Variants in CAMTA1 observed in about 807,000 individuals in gnomAD.
CAMTA1 encodes the protein calmodulin binding transcription activator 1, also known as calmodulin-binding transcription activator 1.
CAMTA1 carries 27 observed loss-of-function variants against 170.9 expected under a neutral mutation model. That is an observed-to-expected ratio of 0.16 (90% CI 0.12 to 0.22). The LOEUF (loss-of-function observed/expected upper bound fraction) is 0.22, where lower values mean the gene tolerates loss of function less well. CAMTA1 is among the 10% of genes least tolerant of loss of function. The probability of loss-of-function intolerance (pLI) is 1.00; values close to 1 mark genes in which losing one functional copy is unlikely to be tolerated. For synonymous variants in CAMTA1, 833 were observed against 891.5 expected (o/e 0.93, Z 1.17); for missense variants, 1,619 against 2,217.2 (o/e 0.73, Z 5.42).
chr1:6,817,094 TC>T (rs1204276289), intron 1 of CAMTA1, among the ~76,000 whole-genome samples: 1 of 152,218 alleles, frequency 6.6e-6, no homozygotes, highest in African/African-American at 2.4e-5. Context: ...GCCAAGTTCT[TC>T]CTGTTATTTC....
chr1:7,680,363 GGGA>G lies in CAMTA1; in HGVS notation c.2914+2636_2914+2638del, dbSNP rs1414289881. ...GTGGAGACGGGTTCGCCGCGGAGAG[GGGA>G]GGAGGGCTGGGGAAGGGGTGGGCGC... On this transcript the variant is annotated intron_variant, in intron 11 of 22. Transcript: ENST00000303635. The surrounding 1 kb of genome is among the most constrained non-coding windows in gnomAD (Gnocchi z 4.4). The G allele has an allele frequency of 1.2e-5, 2 of 167,106 alleles. No homozygotes were observed. Among genetic ancestry groups the G allele is most frequent in the African/African-American group, 4.8e-5 (2 of 41,508 alleles). The allele number at this position is 167,106 out of a possible 1,614,324, so 10.4% of individuals were successfully genotyped here. A position where few individuals can be genotyped will look rare whatever the true frequency, so the allele number is the denominator to read the frequency against.
chr1:7,546,447 A>G (rs907640108), intron 6 of CAMTA1, among the ~76,000 whole-genome samples: 1 of 152,218 alleles, frequency 6.6e-6, no homozygotes, highest in African/African-American at 2.4e-5. Flanking sequence ...TATTGTGAAT[A>G]GTGCTGCAAT....
chr1:7,269,934 G>A (rs995042390), intron 5 of CAMTA1, among the ~76,000 whole-genome samples: 1 of 152,104 alleles, frequency 6.6e-6, no homozygotes. Flanking sequence ...CAGCAACAAA[G>A]AGGAAATCTT....
At chr1:6,895,067 C>T (rs1193824833) in intron 3 of CAMTA1, among the ~76,000 whole-genome samples, 1 of 152,210 alleles carries the variant, frequency 6.6e-6, no homozygotes, top group Non-Finnish European at 1.5e-5. Flanking sequence ...TGAACTCACC[C>T]ACCTTTCATT....
At chr1:7,265,480 AT>A (rs1237443154) in intron 5 of CAMTA1, among the ~76,000 whole-genome samples, 5 of 151,888 alleles carry the variant, frequency 3.3e-5, no homozygotes, top group Admixed American at 3.3e-4. Context: ...TGCCTGGCTA[AT>A]TTTTGTATTT....
chr1:6,914,023 C>T (rs981477858), intron 3 of CAMTA1, among the ~76,000 whole-genome samples: 17 of 151,682 alleles, frequency 1.1e-4, no homozygotes, highest in East Asian at 5.8e-4. Context: ...ACAAACACAC[C>T]GACCTATTTC....
Position 7,002,041 on chromosome 1 carries a change from C to T in CAMTA1, c.235-89263C>T, listed in dbSNP as rs557357439. 5.5e-4 allele frequency among the ~76,000 whole-genome samples: 83 copies of T among 152,056 alleles called. 1 individual carries two copies. In the South Asian group the frequency reaches 9.8e-3, roughly 18 times the overall value. The stretch of plus-strand genomic sequence containing the variant: ...CATCCTGAGTAGCTGAGATTACAGG[C>T]GCCTACCACCACGCCTGGATAAATT... On this transcript the variant is annotated intron_variant, in intron 3 of 22. Coordinates refer to ENST00000303635, the MANE Select transcript of CAMTA1 (RefSeq NM_015215.4).
At chr1:7,704,128 C>A (rs1233615913) in intron 11 of CAMTA1, among the ~76,000 whole-genome samples, 1 of 151,344 alleles carries the variant, frequency 6.6e-6, no homozygotes, top group Non-Finnish European at 1.5e-5. Flanking sequence ...CGTTGCGCAG[C>A]GCCGGCTCCT....
chr1:7,135,653 G>T (rs1480328127), intron 4 of CAMTA1, among the ~76,000 whole-genome samples: 1 of 152,128 alleles, frequency 6.6e-6, no homozygotes, highest in Non-Finnish European at 1.5e-5. Context: ...TGAGCCTCAT[G>T]CCTTCAAGCT....
chr1:7,511,646 C>T (rs1247687715), intron 6 of CAMTA1, among the ~76,000 whole-genome samples: 1 of 152,096 alleles, frequency 6.6e-6, no homozygotes, highest in Admixed American at 6.6e-5. Context: ...GAGTTCTGAC[C>T]AGTGTATTCT....
At chr1:6,835,022 G>A (rs547818839) in intron 3 of CAMTA1, among the ~76,000 whole-genome samples, 3 of 152,138 alleles carry the variant, frequency 2.0e-5, no homozygotes, top group Non-Finnish European at 4.4e-5. Context: ...TCATCACCCC[G>A]CAGCCTTCTG....
intron 3 of CAMTA1, among the ~76,000 whole-genome samples, chr1:6,847,065 G>A (rs533209114): frequency 4.0e-4 from 61 of 151,234 alleles, no homozygotes; most frequent in Admixed American, 1.3e-3. Flanking sequence ...GTGCAGTGGC[G>A]CCATCTTGGC....
rs1000457560 is a variant in CAMTA1, at chr1:7,642,232, CG to C, written c.664+1682del. 2.6e-5 allele frequency among the ~76,000 whole-genome samples: 4 copies of C among 152,206 alleles called. No homozygotes were observed. Among genetic ancestry groups the C allele is most frequent in the African/African-American group, 7.2e-5 (3 of 41,460 alleles). ...GCCTCTTCAAAATGCTGCCGAGCAC[CG>C]GGAAGCATGGGGAAATGGCACAGCT... is the stretch of plus-strand genomic sequence containing the variant. On this transcript the variant is annotated intron_variant, in intron 7 of 22. Coordinates refer to ENST00000303635, the MANE Select transcript of CAMTA1 (RefSeq NM_015215.4). The surrounding 1 kb of genome is among the most constrained non-coding windows in gnomAD (Gnocchi z 6.3).
intron 4 of CAMTA1, among the ~76,000 whole-genome samples, chr1:7,145,912 G>A (rs981971360): frequency 9.2e-5 from 14 of 152,190 alleles, no homozygotes; most frequent in African/African-American, 2.9e-4. Flanking sequence ...TCCCTGTGCT[G>A]CCCTCTATGA....
At chr1:6,907,419 A>T (rs1678765472) in intron 3 of CAMTA1, among the ~76,000 whole-genome samples, 1 of 152,054 alleles carries the variant, frequency 6.6e-6, no homozygotes, top group African/African-American at 2.4e-5. Flanking sequence ...GTGCATGCAG[A>T]GGTTTTCAAG....
At chr1:6,812,356 T>C (rs1439168216) in intron 1 of CAMTA1, among the ~76,000 whole-genome samples, 1 of 152,232 alleles carries the variant, frequency 6.6e-6, no homozygotes, top group African/African-American at 2.4e-5. Flanking sequence ...TGTGCTTTGC[T>C]ACCTTTTAGG....
intron 4 of CAMTA1, chr1:7,142,088 T>C (rs760991309): frequency 3.9e-6 from 2 of 518,624 alleles, no homozygotes; most frequent in Non-Finnish European, 7.7e-6. Context: ...CAGCTCTTCC[T>C]GGTACCCCTT....
intron 3 of CAMTA1, among the ~76,000 whole-genome samples, chr1:7,030,935 C>T (rs140999820): frequency 0.019 from 2,866 of 150,244 alleles, 86 homozygotes; most frequent in African/African-American, 0.065. Context: ...CCCGGGTTCA[C>T]GCCATTCTCC....
chr1:6,931,683 C>T (rs573621157), intron 3 of CAMTA1, among the ~76,000 whole-genome samples: 8 of 152,304 alleles, frequency 5.3e-5, no homozygotes, highest in Admixed American at 1.3e-4. Flanking sequence ...GCCTACGCTA[C>T]GTGGCTGGGC....
Sources: allele counts gnomAD v4.1 joint callset (sites outside exome capture counted in the v4.1 genomes callset), GRCh38; gene constraint gnomAD v4.1.1; non-coding constraint Gnocchi (gnomAD v3.1); transcripts MANE v1.5; gene names NCBI Gene and HGNC (gene_info 2026-07-23, HGNC 2026-07-21).